Variants in TMEM135 observed in about 807,000 individuals in gnomAD.
The protein encoded by TMEM135 is peroxisomal membrane protein 52.
A neutral mutation model predicts 60.3 loss-of-function variants in TMEM135; 30 were observed. The observed-to-expected ratio is 0.50, with a 90% CI of 0.37 to 0.68. TMEM135 has a LOEUF of 0.68. Among genes scored for constraint, TMEM135 ranks in the 30% least tolerant of loss-of-function variants. The probability of loss-of-function intolerance (pLI) is 0.00; values close to 1 mark genes in which losing one functional copy is unlikely to be tolerated. For missense variants in TMEM135, 468 were observed against 548.8 expected (o/e 0.85, Z 1.47); for synonymous variants, 190 against 186.7 (o/e 1.02, Z -0.14).
intron 6 of TMEM135, among the ~76,000 whole-genome samples, chr11:87,272,046 CTTTTCTTTTTTTT>C (rs1941874007): frequency 1.4e-5 from 1 of 69,602 alleles, no homozygotes; most frequent in African/African-American, 3.5e-5. Context: ...CTTTCTTTTT[CTTTTCTTTTTTTT>C]TTTTTTTTTT....
At chr11:87,146,797 C>A (rs1458515987) in intron 4 of TMEM135, among the ~76,000 whole-genome samples, 7 of 151,926 alleles carry the variant, frequency 4.6e-5, no homozygotes. Context: ...TTAACTGTGA[C>A]CATCTTACAG....
intron 12 of TMEM135, among the ~76,000 whole-genome samples, chr11:87,316,128 C>T (rs372452425): frequency 1.3e-5 from 2 of 152,038 alleles, no homozygotes; most frequent in East Asian, 1.9e-4. Flanking sequence ...TCTTGGCTTT[C>T]GCAGTGAATG....
chr11:87,055,405 C>T (rs1278207347), intron 1 of TMEM135, among the ~76,000 whole-genome samples: 1 of 152,140 alleles, frequency 6.6e-6, no homozygotes, highest in Non-Finnish European at 1.5e-5. Flanking sequence ...ACAAACACCT[C>T]GATTAACAGA....
chr11:87,057,327 G>T (rs1446828124), intron 1 of TMEM135, among the ~76,000 whole-genome samples: 1 of 152,090 alleles, frequency 6.6e-6, no homozygotes, highest in Non-Finnish European at 1.5e-5. Flanking sequence ...TTACAGGGAG[G>T]CTTTACAGTA....
rs1207558041 is a variant in TMEM135 at position 87,195,379 on chromosome 11, TTCCTTCCTTCCTTC to T, written c.462+37976_462+37989del. On this transcript the variant is annotated intron_variant, in intron 5 of 14. Transcript: ENST00000305494. ...CTTCCTTCCTTCCTTCCTTCCTTCC[TTCCTTCCTTCCTTC>T]TCTCTCTCTCTCTCTCTGTTTCTCT... Among the ~76,000 whole-genome samples the T allele has an allele frequency of 8.5e-3, 822 of 96,932 alleles. 23 individuals are homozygous for T. The highest frequency in any genetic ancestry group is 0.012 in the Non-Finnish European group (532 of 45,670). 63.6% of individuals were successfully genotyped at this position (96,932 alleles called of 152,430 possible).
intron 5 of TMEM135, among the ~76,000 whole-genome samples, chr11:87,187,695 C>A (rs746466589): frequency 2.7e-4 from 41 of 152,184 alleles, no homozygotes; most frequent in Middle Eastern, 3.2e-3. Flanking sequence ...TATTGATAAT[C>A]TTTTGATGGT....
At chr11:87,279,901 A>G (rs987749779) in intron 6 of TMEM135, among the ~76,000 whole-genome samples, 7 of 152,218 alleles carry the variant, frequency 4.6e-5, no homozygotes, top group Admixed American at 3.9e-4. Flanking sequence ...GCCTGAGTGA[A>G]TAGTGATAAA....
intron 4 of TMEM135, among the ~76,000 whole-genome samples, chr11:87,099,903 G>A (rs71465676): frequency 1.2e-4 from 18 of 151,946 alleles, no homozygotes; most frequent in East Asian, 5.8e-4. Context: ...AGCTGGTCTC[G>A]AACTCCTGAC....
chr11:87,324,422 T>C lies in TMEM135; in HGVS notation c.*3089T>C, dbSNP rs1238452733. The C allele has an allele frequency of 4.4e-6, 2 of 453,878 alleles. No individual in the cohort carries two copies. The highest frequency in any genetic ancestry group is 3.1e-5 in the South Asian group (2 of 64,458). The allele number at this position is 453,878 out of a possible 1,614,324, so 28.1% of individuals were successfully genotyped here. On this transcript the variant is annotated 3_prime_UTR_variant, in exon 15 of 15. Transcript: ENST00000305494. ...GAGATTCCTTAAATTCTCCGTGTGA[T>C]TTATTTTTTTATTTTTTGAGTTGAG... is the stretch of plus-strand genomic sequence containing the variant.
intron 4 of TMEM135, chr11:87,096,167 A>C: frequency 3.8e-6 from 1 of 264,492 alleles, no homozygotes; most frequent in Non-Finnish European, 7.0e-6. Flanking sequence ...TACTACTTGG[A>C]AAACTAGCAA....
At chr11:87,047,797 C>G (rs1949812319) in intron 1 of TMEM135, among the ~76,000 whole-genome samples, 1 of 119,210 alleles carries the variant, frequency 8.4e-6, no homozygotes, top group South Asian at 2.8e-4. Flanking sequence ...GAAGCTCCAA[C>G]TGGGTGGAGC....
intron 6 of TMEM135, among the ~76,000 whole-genome samples, chr11:87,260,236 A>G (rs893725039): frequency 2.0e-5 from 3 of 152,184 alleles, no homozygotes; most frequent in Non-Finnish European, 4.4e-5. Flanking sequence ...TGGAAACACA[A>G]TTGTTAACTT....
rs1454763904 is a variant in TMEM135 at position 87,323,418 on chromosome 11, T to C, written c.*2085T>C. 4.4e-6 allele frequency: 2 copies of C among 453,900 alleles called. No homozygotes were observed. The highest frequency in any genetic ancestry group is 6.9e-5 in the East Asian group (1 of 14,402). The allele number at this position is 453,900 out of a possible 1,614,324, so 28.1% of individuals were successfully genotyped here. On this transcript the variant is annotated 3_prime_UTR_variant, in exon 15 of 15. Coordinates refer to ENST00000305494, the MANE Select transcript of TMEM135 (RefSeq NM_022918.4). ...TGTTTGAGCAAACACAAAGAAACTT[T>C]GTGTTTTTGAAGACAATCAGAATGA...
chr11:87,160,374 A>T (rs1157455023), intron 5 of TMEM135, among the ~76,000 whole-genome samples: 3 of 152,194 alleles, frequency 2.0e-5, no homozygotes, highest in Non-Finnish European at 2.9e-5. Context: ...GAGGAGTGAT[A>T]CTTTATCTTT....
intron 5 of TMEM135, among the ~76,000 whole-genome samples, chr11:87,188,993 A>T (rs1388982641): frequency 6.8e-6 from 1 of 147,962 alleles, no homozygotes; most frequent in Non-Finnish European, 1.5e-5. Flanking sequence ...TTATTTACTC[A>T]TTCTGTTGTT....
chr11:87,286,766 A>G (rs945016058), intron 6 of TMEM135, among the ~76,000 whole-genome samples: 5 of 152,224 alleles, frequency 3.3e-5, no homozygotes, highest in African/African-American at 1.2e-4. Flanking sequence ...AAACTTTTCA[A>G]TTGTATTCAC....
At chr11:87,125,042 C>G (rs1937686376) in intron 4 of TMEM135, among the ~76,000 whole-genome samples, 1 of 151,794 alleles carries the variant, frequency 6.6e-6, no homozygotes, top group African/African-American at 2.4e-5. Context: ...ACGAATGAGG[C>G]TCTGTACTTG....
chr11:87,204,506 A>G (rs1363500189), intron 5 of TMEM135, among the ~76,000 whole-genome samples: 3 of 152,176 alleles, frequency 2.0e-5, no homozygotes, highest in Admixed American at 6.6e-5. Flanking sequence ...TTTAACTACT[A>G]ATAGCCTACT....
intron 12 of TMEM135, 57 bp downstream of exon 12, chr11:87,314,604 G>T: frequency 3.6e-6 from 5 of 1,401,756 alleles, no homozygotes; most frequent in Non-Finnish European, 5.0e-6. Context: ...TTTAGCTGCT[G>T]ACTGTTTTAG....
Sources: gnomAD v4.1 joint callset for allele counts (sites outside exome capture counted in the v4.1 genomes callset) on GRCh38, gnomAD v4.1.1 for gene constraint, MANE v1.5 for transcripts, NCBI Gene and HGNC (gene_info 2026-07-23, HGNC 2026-07-21) for gene names.